Variants in SPINK8 observed in about 807,000 individuals in gnomAD.
The protein encoded by SPINK8 is serine peptidase inhibitor Kazal type 8 (putative), also known as serine protease inhibitor Kazal-type 8.
A neutral mutation model predicts 14.4 loss-of-function variants in SPINK8; 12 were observed. The observed-to-expected ratio is 0.83, with a 90% CI of 0.53 to 1.35. The LOEUF is 1.35. SPINK8 is among the 40% of genes most tolerant of loss of function. SPINK8 has a pLI of 0.00. For synonymous variants in SPINK8, 32 were observed against 37.6 expected, an observed-to-expected ratio of 0.85 and a Z score of 0.55; for missense variants, 103 against 117.0, an observed-to-expected ratio of 0.88 and a Z score of 0.55.
intron 6 of SPINK8, among the ~76,000 whole-genome samples, chr3:48,311,709 C>T (rs2035926223): frequency 6.6e-6 from 1 of 151,980 alleles, no homozygotes; most frequent in South Asian, 2.1e-4. Flanking sequence ...CTCAAAACTA[C>T]AAAATTGAAA....
In SPINK8 at chr3:48,330,452, G is replaced by A. The variant is rs2036239978; in HGVS notation, c.-135-1178C>T. Among the ~76,000 whole-genome samples, 3 of 152,182 alleles carry A rather than the reference G, an allele frequency of 2.0e-5. No homozygotes were observed. The South Asian group carries it at 6.2e-4, about 32-fold the overall frequency. The stretch of plus-strand genomic sequence containing the variant: ...GAGAATCGCTTGAACCCAAGAGGCA[G>A]AGGTTGCAGTAAGCCGAGATCGCGC... On this transcript the variant is annotated intron_variant, in intron 2 of 7. Transcript: ENST00000434006.
chr3:48,324,703 G>C (rs891003917), intron 4 of SPINK8, among the ~76,000 whole-genome samples: 1 of 152,136 alleles, frequency 6.6e-6, no homozygotes, highest in African/African-American at 2.4e-5. Flanking sequence ...CTTGTTTTAT[G>C]ATCTAGGATA....
Position 48,329,758 on chromosome 3 carries a change from C to T in SPINK8, c.-135-484G>A, listed in dbSNP as rs1334855161. Among the ~76,000 whole-genome samples, 5 of 152,310 alleles carry T rather than the reference C, an allele frequency of 3.3e-5. No homozygotes were observed. In the East Asian group the frequency reaches 5.8e-4, roughly 18 times the overall value. ...GCTCACTGCAGCCTTGAACGCCTAGCCTCAAGTGACCCTCTTGCTTGGCCT... is the reference window on the plus strand; with the variant it reads ...GCTCACTGCAGCCTTGAACGCCTAGTCTCAAGTGACCCTCTTGCTTGGCCT... On this transcript the variant is annotated intron_variant, in intron 2 of 7. Coordinates refer to ENST00000434006, the MANE Select transcript of SPINK8 (RefSeq NM_001080525.3).
chr3:48,307,961 CTTTTTTTTTTTTT>C (rs869147798), intron 7 of SPINK8, among the ~76,000 whole-genome samples: 8 of 68,222 alleles, frequency 1.2e-4, no homozygotes, highest in African/African-American at 3.2e-4. Flanking sequence ...AGTCTGCATT[CTTTTTTTTTTTTT>C]TTTTTTTTTT....
At chr3:48,324,602 A>G (rs576829250) in intron 4 of SPINK8, among the ~76,000 whole-genome samples, 2 of 152,336 alleles carry the variant, frequency 1.3e-5, no homozygotes, top group East Asian at 3.9e-4. Flanking sequence ...GTTCTCTAAC[A>G]TAAAGAACAT....
At chr3:48,315,743 AAG>A in intron 6 of SPINK8, among the ~76,000 whole-genome samples, 1 of 150,490 alleles carries the variant, frequency 6.6e-6, no homozygotes, top group Admixed American at 6.6e-5. Context: ...AAAAAAAAAA[AAG>A]AACTGAAGGA....
chr3:48,315,459 T>A (rs977824140), intron 6 of SPINK8, among the ~76,000 whole-genome samples: 4 of 151,984 alleles, frequency 2.6e-5, no homozygotes, highest in African/African-American at 9.7e-5. Flanking sequence ...GGTGGCTCAC[T>A]CCTGTAATCC....
intron 6 of SPINK8, among the ~76,000 whole-genome samples, chr3:48,315,332 C>T (rs368751470): frequency 5.3e-5 from 8 of 152,160 alleles, no homozygotes; most frequent in African/African-American, 1.2e-4. Flanking sequence ...AAGTATGGCT[C>T]GCATATAGGA....
intron 4 of SPINK8, among the ~76,000 whole-genome samples, chr3:48,321,878 T>C (rs1341641297): frequency 6.6e-6 from 1 of 151,668 alleles, no homozygotes; most frequent in Non-Finnish European, 1.5e-5. Flanking sequence ...ATTGACACGA[T>C]ATCAGCTCAC....
intron 6 of SPINK8, among the ~76,000 whole-genome samples, chr3:48,315,124 CAA>C (rs1436283570): frequency 1.3e-5 from 2 of 152,098 alleles, no homozygotes; most frequent in Non-Finnish European, 2.9e-5. Context: ...AGGACCAGAT[CAA>C]TGGCCATACA....
chr3:48,332,258 A>G (rs1451225240), intron 2 of SPINK8, among the ~76,000 whole-genome samples, 108 bp downstream of exon 2: 1 of 151,990 alleles, frequency 6.6e-6, no homozygotes, highest in Non-Finnish European at 1.5e-5. Context: ...GCTCCTTCTG[A>G]TCTCTATTAT....
intron 2 of SPINK8, among the ~76,000 whole-genome samples, 198 bp downstream of exon 2, chr3:48,332,168 A>G (rs2036272951): frequency 6.6e-6 from 1 of 152,198 alleles, no homozygotes; most frequent in Non-Finnish European, 1.5e-5. Context: ...TCACTTTTCC[A>G]GAGCCTCCAA....
chr3:48,324,317 G>C (rs2036112156), intron 4 of SPINK8, among the ~76,000 whole-genome samples: 1 of 152,026 alleles, frequency 6.6e-6, no homozygotes, highest in Non-Finnish European at 1.5e-5. Flanking sequence ...ATATACAAAT[G>C]ATTTTTGTAT....
In SPINK8 at chr3:48,319,557, G is replaced by T. The variant is rs371813695; in HGVS notation, c.179C>A (p.Pro60His). Residue 60 changes from proline to histidine, a missense_variant, in exon 6 of 8, where the codon CCT becomes CAT. Transcript: ENST00000434006. ...GGTAACCTGGTCACTGCCACAAATA[G>T]GTTCACTGGGCTTGATGTAGGATAA... ...WFLSYIKPSEPICGSDQVTYS... is the reference protein window; with the variant it reads ...WFLSYIKPSEHICGSDQVTYS... 7 of 1,613,936 alleles carry T rather than the reference G, an allele frequency of 4.3e-6. No homozygotes were observed. In the South Asian group the frequency reaches 5.5e-5, roughly 13 times the overall value.
chr3:48,330,823 T>C (rs1218998532), intron 2 of SPINK8, among the ~76,000 whole-genome samples: 1 of 99,488 alleles, frequency 1.0e-5, no homozygotes, highest in African/African-American at 2.8e-5. Context: ...TTAGTCAGCC[T>C]AAGAAATCCA....
At chr3:48,312,000 A>G (rs988720361) in intron 6 of SPINK8, among the ~76,000 whole-genome samples, 5 of 152,120 alleles carry the variant, frequency 3.3e-5, no homozygotes, top group African/African-American at 1.2e-4. Context: ...CTATAACACT[A>G]CAATAATCTT....
chr3:48,315,884 C>T (rs1414813111), intron 6 of SPINK8, among the ~76,000 whole-genome samples: 1 of 151,840 alleles, frequency 6.6e-6, no homozygotes, highest in Admixed American at 6.6e-5. Flanking sequence ...TTGAAAATTA[C>T]AATGACCTAG....
At chr3:48,328,197 T>C in intron 4 of SPINK8, 78 bp downstream of exon 4, 5 of 1,194,506 alleles carry the variant, frequency 4.2e-6, no homozygotes, top group Non-Finnish European at 6.0e-6. Flanking sequence ...GAACAGCACT[T>C]CCACTTCCAT....
intron 4 of SPINK8, among the ~76,000 whole-genome samples, chr3:48,321,641 C>G (rs957927898): frequency 4.0e-5 from 6 of 151,738 alleles, no homozygotes; most frequent in Non-Finnish European, 8.8e-5. Context: ...TGGTGAAACC[C>G]TGTCTCTACT....
Sources: gnomAD v4.1 joint callset for allele counts (sites outside exome capture counted in the v4.1 genomes callset) on GRCh38, gnomAD v4.1.1 for gene constraint, MANE v1.5 for transcripts, NCBI Gene and HGNC (gene_info 2026-07-23, HGNC 2026-07-21) for gene names.